The following FBXO16 variants were observed in gnomAD, a reference collection of about 807,000 sequenced individuals.
The protein encoded by FBXO16 is F-box only protein 16.
Under a neutral mutation model 41.0 loss-of-function variants are expected in FBXO16, and 31 were observed. The ratio of observed to expected loss-of-function variants is 0.76; its 90% CI spans 0.57 to 1.02. The LOEUF is 1.02. FBXO16 is among the 50% of genes least tolerant of loss of function. FBXO16 has a pLI of 0.00. For missense variants in FBXO16, 361 were observed against 346.2 expected, an observed-to-expected ratio of 1.04 and a Z score of -0.34; for synonymous variants, 133 against 117.8, an observed-to-expected ratio of 1.13 and a Z score of -0.84.
chr8:28,453,669 T>C (rs1802991505), intron 5 of FBXO16, among the ~76,000 whole-genome samples: 1 of 151,880 alleles, frequency 6.6e-6, no homozygotes, highest in African/African-American at 2.4e-5. Flanking sequence ...AATTCCCCAG[T>C]TCCCCCAAGC....
chr8:28,465,770 G>A (rs185979204), intron 3 of FBXO16, among the ~76,000 whole-genome samples: 5 of 152,288 alleles, frequency 3.3e-5, no homozygotes, highest in Admixed American at 2.0e-4. Flanking sequence ...ATTGGTTGCT[G>A]TGAATCTCCT....
chr8:28,468,008 T>C (rs1585912941), intron 3 of FBXO16, among the ~76,000 whole-genome samples: 1 of 152,204 alleles, frequency 6.6e-6, no homozygotes, highest in Non-Finnish European at 1.5e-5. Context: ...TGCTGAACAG[T>C]AGGGGAAAAT....
chr8:28,446,176 CTTTTTT>C (rs11421643), intron 7 of FBXO16, among the ~76,000 whole-genome samples: 102 of 83,078 alleles, frequency 1.2e-3, no homozygotes, highest in African/African-American at 3.9e-3. Context: ...TGCATTTTTC[CTTTTTT>C]TTTTTTTTTT....
At chr8:28,443,878 C>A (rs967482747) in intron 7 of FBXO16, among the ~76,000 whole-genome samples, 3 of 152,166 alleles carry the variant, frequency 2.0e-5, no homozygotes, top group Non-Finnish European at 2.9e-5. Context: ...GCCATGGCAA[C>A]GTCAGAAAAT....
chr8:28,430,738 A>G (rs958463551), intron 7 of FBXO16, among the ~76,000 whole-genome samples: 5 of 152,138 alleles, frequency 3.3e-5, no homozygotes, highest in African/African-American at 7.2e-5. Flanking sequence ...TTGGGAGGCC[A>G]AGGCGGGCGG....
In FBXO16 at chr8:28,428,419, A is replaced by C. The variant is rs1802558806; in HGVS notation, c.*308T>G. On this transcript the variant is annotated 3_prime_UTR_variant, in exon 9 of 9. Coordinates refer to ENST00000380254, the MANE Select transcript of FBXO16 (RefSeq NM_172366.4). ...TAAATCTGTCCACATTTATGCCATG[A>C]ATTCCTTTTTACTGAAATACCGTAG... 2 of 727,684 alleles carry C rather than the reference A, an allele frequency of 2.7e-6. No homozygotes were observed. The highest frequency in any genetic ancestry group is 4.2e-6 in the Non-Finnish European group (2 of 470,682). The allele number at this position is 727,684 out of a possible 1,614,324, so 45.1% of individuals were successfully genotyped here.
intron 7 of FBXO16, among the ~76,000 whole-genome samples, chr8:28,444,198 A>G (rs991619100): frequency 4.6e-5 from 7 of 151,710 alleles, no homozygotes; most frequent in African/African-American, 1.7e-4. Context: ...AATTCACTCT[A>G]TGGCGGCTGT....
chr8:28,447,434 G>C, intron 6 of FBXO16, 161 bp from the exon 7 acceptor site: 1 of 595,468 alleles, frequency 1.7e-6, no homozygotes, highest in Non-Finnish European at 2.9e-6. Context: ...AGAACTGGTT[G>C]CATCAACTCC....
chr8:28,473,888 A>T (rs919255462), intron 2 of FBXO16, 81 bp from the exon 3 acceptor site: 12 of 1,026,492 alleles, frequency 1.2e-5, no homozygotes, highest in Non-Finnish European at 1.6e-5. Context: ...CCATTAAGGG[A>T]TCGGTGAATA....
At chr8:28,430,023 C>A (rs970428830) in intron 7 of FBXO16, among the ~76,000 whole-genome samples, 1 of 152,156 alleles carries the variant, frequency 6.6e-6, no homozygotes, top group Non-Finnish European at 1.5e-5. Flanking sequence ...AAGTGTAATT[C>A]TTTGTCCCCC....
intron 1 of FBXO16, among the ~76,000 whole-genome samples, chr8:28,485,223 C>T (rs373000981): frequency 2.6e-5 from 4 of 151,972 alleles, no homozygotes; most frequent in Non-Finnish European, 4.4e-5. Flanking sequence ...CCCAGGCTGC[C>T]GTACAGTGGT....
chr8:28,454,302 C>T (rs1261866802), intron 5 of FBXO16, among the ~76,000 whole-genome samples: 1 of 151,870 alleles, frequency 6.6e-6, no homozygotes, highest in Non-Finnish European at 1.5e-5. Context: ...TTTCCCTGAG[C>T]TTCTATTGAA....
intron 5 of FBXO16, among the ~76,000 whole-genome samples, chr8:28,454,369 T>C (rs1261872914): frequency 1.3e-5 from 2 of 151,744 alleles, no homozygotes; most frequent in African/African-American, 2.4e-5. Flanking sequence ...ATAAATAACA[T>C]ATGATAATAA....
At chr8:28,447,061 C>T (rs553948326) in intron 7 of FBXO16, 110 bp downstream of exon 7, 5 of 966,514 alleles carry the variant, frequency 5.2e-6, no homozygotes, top group Non-Finnish European at 7.6e-6. Context: ...ATTTAAATCA[C>T]CACTCCATGA....
At chr8:28,487,328 C>T (rs1393614784) in intron 1 of FBXO16, among the ~76,000 whole-genome samples, 8 of 151,222 alleles carry the variant, frequency 5.3e-5, no homozygotes, top group African/African-American at 7.3e-5. Flanking sequence ...AGACAGGCAG[C>T]GTGTATATTT....
At chr8:28,437,291 A>G (rs1802700761) in intron 7 of FBXO16, among the ~76,000 whole-genome samples, 1 of 152,210 alleles carries the variant, frequency 6.6e-6, no homozygotes, top group Non-Finnish European at 1.5e-5. Flanking sequence ...GAAATGCCAC[A>G]GTAATTTATT....
intron 2 of FBXO16, among the ~76,000 whole-genome samples, chr8:28,482,332 T>C (rs915330113): frequency 6.6e-6 from 1 of 151,862 alleles, no homozygotes; most frequent in African/African-American, 2.4e-5. Flanking sequence ...GAGGATGAGG[T>C]CAGTTTTATA....
In FBXO16 at chr8:28,483,625, C is replaced by T. The variant is rs1803552594; in HGVS notation, c.-16-163G>A. 7.3e-6 allele frequency: 4 copies of T among 549,936 alleles called. No homozygotes were observed. In the Admixed American group the frequency reaches 1.3e-4, roughly 18 times the overall value. 34.1% of individuals were successfully genotyped at this position (549,936 alleles called of 1,614,324 possible). ...CTTGAGGTCAAGGATTCGAGACCAG[C>T]CTGGCCAACATGGTGAAACCCTGTC... On this transcript the variant is annotated intron_variant, in intron 1 of 8. Coordinates refer to ENST00000380254, the MANE Select transcript of FBXO16 (RefSeq NM_172366.4).
Position 28,428,679 on chromosome 8 carries a change from G to C in FBXO16, c.*48C>G. ...GTGTCTGGGAGTCCCACTGACTCAG[G>C]GGGAGGCCAGGCGAGATGAGCTGGA... On this transcript the variant is annotated 3_prime_UTR_variant, in exon 9 of 9. Coordinates refer to ENST00000380254, the MANE Select transcript of FBXO16 (RefSeq NM_172366.4). 1 of 1,574,450 alleles carries C rather than the reference G, an allele frequency of 6.4e-7. No homozygotes were observed. The highest frequency in any genetic ancestry group is 8.6e-7 in the Non-Finnish European group (1 of 1,160,466).
Sources: allele counts gnomAD v4.1 joint callset (sites outside exome capture counted in the v4.1 genomes callset), GRCh38; gene constraint gnomAD v4.1.1; transcripts MANE v1.5; gene names NCBI Gene and HGNC (gene_info 2026-07-23, HGNC 2026-07-21).